Variants in BMP2 observed in about 807,000 individuals in gnomAD.
BMP2 encodes the protein bone morphogenetic protein 2, also known as bone morphogenetic protein 2A.
Under a neutral mutation model 28.8 loss-of-function variants are expected in BMP2, and 2 were observed. The observed-to-expected ratio is 0.07, with a 90% CI of 0.03 to 0.22. The LOEUF (loss-of-function observed/expected upper bound fraction) is 0.22. BMP2 is among the 10% of genes least tolerant of loss of function. The pLI is 1.00. For missense variants in BMP2, 437 were observed against 517.7 expected, an observed-to-expected ratio of 0.84 and a Z score of 1.51; for synonymous variants, 218 against 204.3, an observed-to-expected ratio of 1.07 and a Z score of -0.57.
At chr20:6,777,694 T>C (rs532255480) in intron 2 of BMP2, among the ~76,000 whole-genome samples, 17 of 152,200 alleles carry the variant, frequency 1.1e-4, no homozygotes, top group Non-Finnish European at 1.8e-4. Context: ...AATGTCATCG[T>C]TGATGTTGAG....
intron 2 of BMP2, among the ~76,000 whole-genome samples, chr20:6,772,304 A>G (rs1986415715): frequency 6.6e-6 from 1 of 152,244 alleles, no homozygotes; most frequent in South Asian, 2.1e-4. Flanking sequence ...GAGAAACAGT[A>G]CAGAAGTGAC....
In BMP2 at chr20:6,778,176, A is replaced by G. The variant is rs1048824773; in HGVS notation, c.347-69A>G. 51 of 1,518,984 alleles carry G rather than the reference A, an allele frequency of 3.4e-5. No homozygotes were observed. Among genetic ancestry groups the G allele is most frequent in the Non-Finnish European group, 4.1e-5 (47 of 1,138,354 alleles). 94.1% of individuals were successfully genotyped at this position (1,518,984 alleles called of 1,614,324 possible). A position where few individuals can be genotyped will look rare whatever the true frequency, so the allele number is the denominator to read the frequency against. On this transcript the variant is annotated intron_variant, in intron 2 of 2. Coordinates refer to ENST00000378827, the MANE Select transcript of BMP2 (RefSeq NM_001200.4). The surrounding 1 kb of genome is among the most constrained non-coding windows in gnomAD (Gnocchi z 5.0). The stretch of plus-strand genomic sequence containing the variant: ...TTTAAAAATTCTCATAGATAATCAA[A>G]CGTCATTACTTGGCTTACTGAAATT...
intron 2 of BMP2, among the ~76,000 whole-genome samples, chr20:6,773,033 A>G (rs1365571123): frequency 6.6e-6 from 1 of 152,188 alleles, no homozygotes; most frequent in Non-Finnish European, 1.5e-5. Flanking sequence ...TGGCCCTCCA[A>G]AAAGTCTTTA....
chr20:6,773,790 TATACTC>T (rs1452304101), intron 2 of BMP2, among the ~76,000 whole-genome samples: 1 of 152,222 alleles, frequency 6.6e-6, no homozygotes, highest in African/African-American at 2.4e-5. Flanking sequence ...AATCTTATAT[TATACTC>T]AGCCTCTTTC....
rs1410843089 is a variant in BMP2, at chr20:6,778,530, C to G, written c.632C>G (p.Pro211Arg). Residue 211 changes from proline to arginine, a missense_variant, in exon 3 of 3, where the codon CCC becomes CGC. Around this residue, in one of 2 missense-constraint regions of BMP2, gnomAD observed 363 missense variants for 392.8 expected, o/e 0.92. Transcript: ENST00000378827. The surrounding 1 kb of genome is among the most constrained non-coding windows in gnomAD (Gnocchi z 5.0). ...AGGTGGGAAAGTTTTGATGTCACCC[C>G]CGCTGTGATGCGGTGGACTGCACAG... ...ASRWESFDVT[P>R]AVMRWTAQGH... The G allele has an allele frequency of 6.2e-7, 1 of 1,614,048 alleles. No homozygotes were observed. The highest frequency in any genetic ancestry group is 8.5e-7 in the Non-Finnish European group (1 of 1,180,030).
chr20:6,769,934 A>T (rs1986355238), intron 1 of BMP2, among the ~76,000 whole-genome samples, 186 bp from the exon 2 acceptor site: 1 of 152,112 alleles, frequency 6.6e-6, no homozygotes, highest in African/African-American at 2.4e-5. Flanking sequence ...TGGTTCAGGA[A>T]CTTGGGACCC....
chr20:6,777,213 C>G (rs1986517767), intron 2 of BMP2, among the ~76,000 whole-genome samples: 1 of 152,106 alleles, frequency 6.6e-6, no homozygotes, highest in African/African-American at 2.4e-5. Flanking sequence ...AATTTTAAAT[C>G]AGACAAAGCT....
At position 6,778,228 on chromosome 20, in the gene BMP2, T is replaced by G; in HGVS notation, c.347-17T>G. ...AGACTTTTCTTTTTTCTTCCCTGTT[T>G]TTCTCTATCAAATTAGAATCTTTGG... On this transcript the variant is annotated splice_polypyrimidine_tract_variant and intron_variant, in intron 2 of 2. Coordinates refer to ENST00000378827, the MANE Select transcript of BMP2 (RefSeq NM_001200.4). The surrounding 1 kb of genome is among the most constrained non-coding windows in gnomAD (Gnocchi z 5.0). 6.4e-7 allele frequency: 1 copy of G among 1,559,374 alleles called. No individual in the cohort carries two copies. The highest frequency in any genetic ancestry group is 1.2e-5 in the South Asian group (1 of 81,706).
At position 6,778,715 on chromosome 20, in the gene BMP2, G is replaced by C; in HGVS notation, c.817G>C (p.Gly273Arg). The change falls in exon 3 of 3, where the codon GGG (glycine) becomes CGG (arginine). Residue 273 changes from glycine (G) to arginine (R), a missense_variant. Coordinates refer to ENST00000378827, the MANE Select transcript of BMP2 (RefSeq NM_001200.4). This position sits in a 1 kb window ranked among gnomAD's most constrained non-coding sequence, Gnocchi z 5.0. ...LLVTFGHDGKGHPLHKREKRQ... is the reference protein window; with the variant it reads ...LLVTFGHDGKRHPLHKREKRQ... ...AGTAACTTTTGGCCATGATGGAAAA[G>C]GGCATCCTCTCCACAAAAGAGAAAA... is the stretch of plus-strand genomic sequence containing the variant. 6.2e-7 allele frequency: 1 copy of C among 1,614,130 alleles called. No homozygotes were observed. Among genetic ancestry groups the C allele is most frequent in the Non-Finnish European group, 8.5e-7 (1 of 1,180,024 alleles).
In BMP2 at chr20:6,779,697, A is replaced by G. The variant is rs235769; in HGVS notation, c.*608A>G. The stretch of plus-strand genomic sequence containing the variant: ...CAATTCTCAGGAATGTTGCAGAGTG[A>G]TTGTCCAATCCATGAGAATTTACAT... On this transcript the variant is annotated 3_prime_UTR_variant, in exon 3 of 3. Transcript: ENST00000378827. 0.73 allele frequency: 111,016 copies of G among 152,566 alleles called. 41,951 individuals carry two copies. Among genetic ancestry groups the G allele is most frequent in the African/African-American group, 0.93 (38,696 of 41,530 alleles). 9.5% of individuals were successfully genotyped at this position (152,566 alleles called of 1,614,324 possible).
At chr20:6,770,836 A>G (rs149534149) in intron 2 of BMP2, among the ~76,000 whole-genome samples, 124 of 152,310 alleles carry the variant, frequency 8.1e-4, no homozygotes, top group Non-Finnish European at 1.6e-3. Context: ...AGGCAGATTG[A>G]GATTTCTTTA....
intron 2 of BMP2, among the ~76,000 whole-genome samples, chr20:6,773,700 T>A (rs575466089): frequency 1.3e-5 from 2 of 152,346 alleles, no homozygotes; most frequent in South Asian, 2.1e-4. Context: ...GTATTTTTTT[T>A]AAAATGGAAT....
Position 6,768,171 on chromosome 20 carries a change from C to G in BMP2, c.-712C>G. 2.5e-6 allele frequency: 1 copy of G among 398,288 alleles called. No individual in the cohort carries two copies. The highest frequency in any genetic ancestry group is 4.4e-6 in the Non-Finnish European group (1 of 225,918). The allele number at this position is 398,288 out of a possible 1,614,324, so 24.7% of individuals were successfully genotyped here. ...AGCCACCCGCCTCGGCGGCCCGGGA[C>G]TCGGCTCGACTCGCCGGAGAATGCG... On this transcript the variant is annotated 5_prime_UTR_variant, in exon 1 of 3. Coordinates refer to ENST00000378827, the MANE Select transcript of BMP2 (RefSeq NM_001200.4).
At position 6,779,002 on chromosome 20, in the gene BMP2, T is replaced by G; in HGVS notation, c.1104T>G (p.Ala368=). The change falls in exon 3 of 3, where the codon GCT becomes GCG. Residue 368 remains alanine, a synonymous_variant. Coordinates refer to ENST00000378827, the MANE Select transcript of BMP2 (RefSeq NM_001200.4). ...KACCVPTELS[A]ISMLYLDENE... is the part of the protein sequence containing the mutation. ...GCTGTGTCCCGACAGAACTCAGTGC[T>G]ATCTCGATGCTGTACCTTGACGAGA... 6.2e-7 allele frequency: 1 copy of G among 1,613,940 alleles called. No homozygotes were observed. The highest frequency in any genetic ancestry group is 8.5e-7 in the Non-Finnish European group (1 of 1,179,934).
intron 1 of BMP2, 52 bp from the exon 2 acceptor site, chr20:6,770,068 G>C (rs1027134192): frequency 1.7e-5 from 25 of 1,472,110 alleles, no homozygotes; most frequent in South Asian, 6.7e-5. Flanking sequence ...GGGGCGCGAG[G>C]GGGGAGGACT....
chr20:6,769,612 GGTGTGTGTGTGTGTGT>G (rs61071559), intron 1 of BMP2, among the ~76,000 whole-genome samples: 5 of 139,998 alleles, frequency 3.6e-5, no homozygotes, highest in Admixed American at 7.1e-5. Context: ...AAGCTATAAG[GGTGTGTGTGTGTGTGT>G]GTGTGTGTGT....
In BMP2 at chr20:6,767,803, A is replaced by T. The variant is rs1986279336; in HGVS notation, c.-1080A>T. ...CGGGGACTGGCAGCCGCCGCCGCAC[A>T]TCTGCCGCCACAGCCTCCGCCGGCT... On this transcript the variant is annotated 5_prime_UTR_variant, in exon 1 of 3. Transcript: ENST00000378827. 3 of 310,468 alleles carry T rather than the reference A, an allele frequency of 9.7e-6. No homozygotes were observed. Among genetic ancestry groups the T allele is most frequent in the Non-Finnish European group, 1.8e-5 (3 of 170,744 alleles). 19.2% of individuals were successfully genotyped at this position (310,468 alleles called of 1,614,324 possible). A position where few individuals can be genotyped will look rare whatever the true frequency, so the allele number is the denominator to read the frequency against.
In BMP2 at chr20:6,778,482, G is replaced by C; in HGVS notation, c.584G>C (p.Arg195Thr). 3 of 1,614,162 alleles carry C rather than the reference G, an allele frequency of 1.9e-6. No homozygotes were observed. The highest frequency in any genetic ancestry group is 2.5e-6 in the Non-Finnish European group (3 of 1,180,030). Residue 195 changes from arginine (R) to threonine (T), a missense_variant, in exon 3 of 3, where the codon AGG (arginine) becomes ACG (threonine). Coordinates refer to ENST00000378827, the MANE Select transcript of BMP2 (RefSeq NM_001200.4). The surrounding 1 kb of genome is among the most constrained non-coding windows in gnomAD (Gnocchi z 5.0). ...CCCGTGACCAGACTTTTGGACACCAGGTTGGTGAATCAGAATGCAAGCAGG... is the reference window on the plus strand; with the variant it reads ...CCCGTGACCAGACTTTTGGACACCACGTTGGTGAATCAGAATGCAAGCAGG... Reference protein sequence around the residue: ...KFPVTRLLDTRLVNQNASRWE... With the variant: ...KFPVTRLLDTTLVNQNASRWE...
At position 6,778,813 on chromosome 20, in the gene BMP2, C is replaced by A. The variant is rs1986560725; in HGVS notation, c.915C>A (p.Phe305Leu). The A allele has an allele frequency of 6.2e-7, 1 of 1,614,060 alleles. No individual in the cohort carries two copies. The highest frequency in any genetic ancestry group is 1.1e-5 in the South Asian group (1 of 91,090). ...SCKRHPLYVD[F>L]SDVGWNDWIV... Reference sequence around the variant, plus strand: ...AGAGACACCCTTTGTACGTGGACTTCAGTGACGTGGGGTGGAATGACTGGA... The same window carrying A: ...AGAGACACCCTTTGTACGTGGACTTAAGTGACGTGGGGTGGAATGACTGGA... Residue 305 changes from phenylalanine (F) to leucine (L), a missense_variant, in exon 3 of 3, where the codon TTC (phenylalanine) becomes TTA (leucine). Phe to Leu is a conservative substitution (Grantham distance 22). Transcript: ENST00000378827. The surrounding 1 kb of genome is among the most constrained non-coding windows in gnomAD (Gnocchi z 5.0).
Sources: gnomAD v4.1 joint callset for allele counts (sites outside exome capture counted in the v4.1 genomes callset) on GRCh38, gnomAD v4.1.1 for gene constraint, gnomAD v4.1.1 regional missense constraint, Gnocchi (gnomAD v3.1) non-coding constraint, MANE v1.5 for transcripts, NCBI Gene and HGNC (gene_info 2026-07-23, HGNC 2026-07-21) for gene names.